MEGF9: variants seen among roughly 807,000 people sequenced by gnomAD.
The protein encoded by MEGF9 is multiple epidermal growth factor-like domains protein 9.
MEGF9 carries 6 observed loss-of-function variants against 46.8 expected under a neutral mutation model. That is an observed-to-expected ratio of 0.13 (90% CI 0.07 to 0.25). The LOEUF (loss-of-function observed/expected upper bound fraction) is 0.25. Among genes scored for constraint, MEGF9 ranks in the 10% least tolerant of loss-of-function variants. The pLI, the probability that MEGF9 is intolerant of heterozygous loss-of-function variation, is 1.00. For missense variants in MEGF9, 683 were observed against 792.4 expected (o/e 0.86, Z 1.66); for synonymous variants, 302 against 330.7 (o/e 0.91, Z 0.94).
intron 2 of MEGF9, among the ~76,000 whole-genome samples, chr9:120,627,919 C>T (rs1022821512): frequency 1.3e-5 from 2 of 152,180 alleles, no homozygotes; most frequent in African/African-American, 4.8e-5. Context: ...CAATTTTCTT[C>T]TTCCTCCACT....
intron 2 of MEGF9, among the ~76,000 whole-genome samples, chr9:120,627,894 G>A (rs75900213): frequency 2.6e-5 from 4 of 152,136 alleles, no homozygotes; most frequent in African/African-American, 9.7e-5. Flanking sequence ...ACAATTAAGA[G>A]ATAATGAAAT....
At chr9:120,669,086 T>C (rs1029237864) in intron 1 of MEGF9, among the ~76,000 whole-genome samples, 1 of 152,214 alleles carries the variant, frequency 6.6e-6, no homozygotes, top group African/African-American at 2.4e-5. Context: ...AAATTATATA[T>C]GGCCATGTAT....
chr9:120,639,979 T>A (rs965070057), intron 2 of MEGF9, among the ~76,000 whole-genome samples: 3 of 152,226 alleles, frequency 2.0e-5, no homozygotes, highest in African/African-American at 7.2e-5. Flanking sequence ...ATATATCAAA[T>A]GTCTTTATAC....
At chr9:120,652,082 A>C (rs1302774863) in intron 2 of MEGF9, among the ~76,000 whole-genome samples, 1 of 147,600 alleles carries the variant, frequency 6.8e-6, no homozygotes, top group African/African-American at 2.5e-5. Context: ...AGGGTGGTTG[A>C]TTTAATCCTC....
rs116390488 is a variant in MEGF9 at position 120,666,549 on chromosome 9, A to G, written c.602-6974T>C. Among the ~76,000 whole-genome samples, 358 of 152,350 alleles carry G rather than the reference A, an allele frequency of 2.3e-3. 2 individuals are homozygous for G. Among genetic ancestry groups the G allele is most frequent in the African/African-American group, 8.3e-3 (347 of 41,582 alleles). Reference sequence around the variant, plus strand: ...GGACTTTCAAAAATTACTGGTGTTAAGTACAAAATAGTAGAGACACTTTGG... The same window carrying G: ...GGACTTTCAAAAATTACTGGTGTTAGGTACAAAATAGTAGAGACACTTTGG... On this transcript the variant is annotated intron_variant, in intron 1 of 5. Transcript: ENST00000373930.
intron 1 of MEGF9, among the ~76,000 whole-genome samples, chr9:120,704,276 G>C (rs1271155799): frequency 6.6e-6 from 1 of 152,036 alleles, no homozygotes; most frequent in African/African-American, 2.4e-5. Flanking sequence ...AGAGGTTGCA[G>C]TGAGCTGAGA....
chr9:120,614,283 T>C (rs1326332164), intron 3 of MEGF9, among the ~76,000 whole-genome samples: 1 of 152,158 alleles, frequency 6.6e-6, no homozygotes, highest in Admixed American at 6.5e-5. Context: ...TAGGCCTCCC[T>C]AAGTGTAAAT....
intron 2 of MEGF9, among the ~76,000 whole-genome samples, chr9:120,636,491 C>CA (rs948235423): frequency 1.3e-5 from 2 of 151,932 alleles, no homozygotes; most frequent in African/African-American, 2.4e-5. Context: ...TGCTTAAGTG[C>CA]AAAAATATTT....
chr9:120,620,180 G>C (rs915346575), intron 3 of MEGF9, among the ~76,000 whole-genome samples: 1 of 152,166 alleles, frequency 6.6e-6, no homozygotes, highest in South Asian at 2.1e-4. Flanking sequence ...TTACATGACA[G>C]TAAAGACAGT....
chr9:120,693,716 A>G (rs1028079521), intron 1 of MEGF9, among the ~76,000 whole-genome samples: 2 of 152,184 alleles, frequency 1.3e-5, no homozygotes, highest in African/African-American at 4.8e-5. Context: ...ATTTGTAGCA[A>G]CTCAATACCA....
intron 4 of MEGF9, among the ~76,000 whole-genome samples, chr9:120,612,192 T>C (rs186819190): frequency 1.3e-3 from 198 of 152,338 alleles, no homozygotes; most frequent in African/African-American, 4.6e-3. Context: ...TAACTCATTA[T>C]GCAGGTTTTT....
Position 120,605,693 on chromosome 9 carries a change from G to T in MEGF9, c.1358-52C>A. 2 of 1,336,186 alleles carry T rather than the reference G, an allele frequency of 1.5e-6. No homozygotes were observed. Among genetic ancestry groups the T allele is most frequent in the South Asian group, 2.9e-5 (2 of 68,560 alleles). 82.8% of individuals were successfully genotyped at this position (1,336,186 alleles called of 1,614,324 possible). ...GTAAAAGACAAAATTATCTAGTTTT[G>T]AGAAACAATAAAAGAAATACGCATG... is the stretch of plus-strand genomic sequence containing the variant. On this transcript the variant is annotated intron_variant, in intron 5 of 5. Transcript: ENST00000373930. The surrounding 1 kb of genome is among the most constrained non-coding windows in gnomAD (Gnocchi z 4.0).
intron 2 of MEGF9, among the ~76,000 whole-genome samples, chr9:120,642,400 G>A (rs939992900): frequency 6.6e-6 from 1 of 152,186 alleles, no homozygotes; most frequent in Non-Finnish European, 1.5e-5. Flanking sequence ...CTTGGAGCCG[G>A]ACAGATCTGG....
chr9:120,683,815 G>C (rs1030483183), intron 1 of MEGF9, among the ~76,000 whole-genome samples: 4 of 151,878 alleles, frequency 2.6e-5, no homozygotes, highest in Non-Finnish European at 5.9e-5. Flanking sequence ...GATCATCTAA[G>C]CCTGGGAAGT....
chr9:120,683,042 G>A (rs1197407731), intron 1 of MEGF9, among the ~76,000 whole-genome samples: 2 of 152,146 alleles, frequency 1.3e-5, no homozygotes, highest in African/African-American at 4.8e-5. Context: ...GACTAATAGG[G>A]AGGAATAGGA....
chr9:120,683,162 TC>T (rs2043806018), intron 1 of MEGF9, among the ~76,000 whole-genome samples: 1 of 152,174 alleles, frequency 6.6e-6, no homozygotes, highest in Non-Finnish European at 1.5e-5. Flanking sequence ...ACCACCAGCC[TC>T]AAAATCACCT....
intron 2 of MEGF9, among the ~76,000 whole-genome samples, chr9:120,639,725 G>A (rs548959503): frequency 6.6e-6 from 1 of 152,186 alleles, no homozygotes; most frequent in Non-Finnish European, 1.5e-5. Flanking sequence ...CTGACTCAGA[G>A]TAAAAACTAC....
chr9:120,632,890 G>A (rs941711050), intron 2 of MEGF9, among the ~76,000 whole-genome samples: 6 of 152,112 alleles, frequency 3.9e-5, no homozygotes, highest in Non-Finnish European at 7.4e-5. Flanking sequence ...GATGTATCAC[G>A]TTTATTGATT....
chr9:120,657,271 A>G (rs2043681450), intron 2 of MEGF9, among the ~76,000 whole-genome samples: 1 of 152,246 alleles, frequency 6.6e-6, no homozygotes, highest in African/African-American at 2.4e-5. Flanking sequence ...AGTCTAGTGT[A>G]CTTTTCCATT....
Sources: gnomAD v4.1 joint callset for allele counts (sites outside exome capture counted in the v4.1 genomes callset) on GRCh38, gnomAD v4.1.1 for gene constraint, Gnocchi (gnomAD v3.1) non-coding constraint, MANE v1.5 for transcripts, NCBI Gene and HGNC (gene_info 2026-07-23, HGNC 2026-07-21) for gene names.